The following PKNOX2 variants were observed in gnomAD, a reference collection of about 807,000 sequenced individuals.
The protein encoded by PKNOX2 is PBX/knotted 1 homeobox 2.
A neutral mutation model predicts 53.1 loss-of-function variants in PKNOX2; 14 were observed. That is an observed-to-expected ratio of 0.26 (90% CI 0.17 to 0.41). PKNOX2 has a LOEUF of 0.41. Among genes scored for constraint, PKNOX2 ranks in the 10% least tolerant of loss-of-function variants. The pLI is 1.00. For missense variants in PKNOX2, 496 were observed against 602.8 expected, an observed-to-expected ratio of 0.82 and a Z score of 1.85; for synonymous variants, 257 against 242.8, an observed-to-expected ratio of 1.06 and a Z score of -0.54.
intron 2 of PKNOX2, among the ~76,000 whole-genome samples, chr11:125,271,269 G>GA (rs1945771122): frequency 2.0e-5 from 3 of 152,122 alleles, no homozygotes; most frequent in African/African-American, 7.2e-5. Flanking sequence ...AGTCCAGCTT[G>GA]GCCATTTTGC....
intron 6 of PKNOX2, among the ~76,000 whole-genome samples, chr11:125,396,927 A>G (rs971497630): frequency 1.3e-5 from 2 of 152,218 alleles, no homozygotes; most frequent in Non-Finnish European, 2.9e-5. Context: ...AAAACAGAAA[A>G]CAAAATTGCA....
intron 2 of PKNOX2, among the ~76,000 whole-genome samples, chr11:125,292,928 C>T (rs759379090): frequency 1.3e-5 from 2 of 152,128 alleles, no homozygotes; most frequent in African/African-American, 2.4e-5. Context: ...GGAGACGATG[C>T]GTGTTATTTG....
At position 125,422,173 on chromosome 11, in the gene PKNOX2, T is replaced by C. The variant is rs1405477137; in HGVS notation, c.937-6839T>C. Among the ~76,000 whole-genome samples, 1 of 152,146 alleles carries C rather than the reference T, an allele frequency of 6.6e-6. No homozygotes were observed. The highest frequency in any genetic ancestry group is 1.9e-4 in the East Asian group (1 of 5,192). On this transcript the variant is annotated intron_variant, in intron 10 of 12. Coordinates refer to ENST00000298282, the MANE Select transcript of PKNOX2 (RefSeq NM_001382323.2). This position sits in a 1 kb window ranked among gnomAD's most constrained non-coding sequence, Gnocchi z 4.1. ...CCCTCGCTCCAAGTTGTTGTGGTCC[T>C]CAAACCCTCTTCACCCCTTATTCTC...
intron 6 of PKNOX2, among the ~76,000 whole-genome samples, chr11:125,390,313 T>C (rs552574244): frequency 2.6e-4 from 40 of 152,352 alleles, no homozygotes; most frequent in South Asian, 2.1e-3. Context: ...AGCTGGTCCA[T>C]GGCCCAGGCA....
intron 9 of PKNOX2, chr11:125,411,497 TCTCTCTCTCTCTCC>T: frequency 2.2e-6 from 1 of 455,154 alleles, no homozygotes; most frequent in South Asian, 2.0e-5. Flanking sequence ...TCTCTCTCTC[TCTCTCTCTCTCTCC>T]CCCCCTTCCC....
intron 2 of PKNOX2, among the ~76,000 whole-genome samples, chr11:125,303,916 C>T (rs1948245910): frequency 1.3e-5 from 2 of 152,222 alleles, no homozygotes; most frequent in South Asian, 4.1e-4. Context: ...CATCAGCAAA[C>T]ATTCTCTTCT....
chr11:125,229,415 G>C (rs941160255), intron 1 of PKNOX2, among the ~76,000 whole-genome samples: 22 of 152,192 alleles, frequency 1.4e-4, no homozygotes, highest in African/African-American at 5.3e-4. Flanking sequence ...TACAATTTCT[G>C]GAGAAAAGTT....
chr11:125,408,332 A>G (rs565142858), intron 7 of PKNOX2, among the ~76,000 whole-genome samples: 3 of 152,336 alleles, frequency 2.0e-5, no homozygotes, highest in Non-Finnish European at 4.4e-5. Context: ...CTCAAAGTAT[A>G]AGCTTCACGG....
chr11:125,344,910 G>C (rs1215279349), intron 3 of PKNOX2, among the ~76,000 whole-genome samples: 1 of 152,066 alleles, frequency 6.6e-6, no homozygotes, highest in African/African-American at 2.4e-5. Context: ...TGTGAGACCT[G>C]AGTGCAAATC....
At chr11:125,252,560 C>T (rs1944084518) in intron 2 of PKNOX2, among the ~76,000 whole-genome samples, 2 of 152,184 alleles carry the variant, frequency 1.3e-5, no homozygotes, top group Non-Finnish European at 2.9e-5. Flanking sequence ...GGAGAAATGG[C>T]AGGCTCAGAA....
At chr11:125,295,707 G>A (rs1382174192) in intron 2 of PKNOX2, among the ~76,000 whole-genome samples, 1 of 152,194 alleles carries the variant, frequency 6.6e-6, no homozygotes, top group Admixed American at 6.5e-5. Flanking sequence ...GATTTGGCAA[G>A]GAGGTGGCCT....
intron 1 of PKNOX2, among the ~76,000 whole-genome samples, chr11:125,216,839 C>T (rs570103544): frequency 6.6e-6 from 1 of 152,286 alleles, no homozygotes; most frequent in South Asian, 2.1e-4. Flanking sequence ...CTGGCCTGAG[C>T]AGCCTGCAAC....
chr11:125,317,363 A>C (rs898792043), intron 2 of PKNOX2, among the ~76,000 whole-genome samples: 2 of 152,220 alleles, frequency 1.3e-5, no homozygotes, highest in Non-Finnish European at 2.9e-5. Flanking sequence ...CTTTCCAGAA[A>C]GTTTTTAATT....
intron 3 of PKNOX2, among the ~76,000 whole-genome samples, chr11:125,349,529 G>C (rs1365977307): frequency 6.6e-6 from 1 of 152,140 alleles, no homozygotes; most frequent in African/African-American, 2.4e-5. Context: ...CGACGGAACC[G>C]GCCTGAAGTC....
intron 10 of PKNOX2, among the ~76,000 whole-genome samples, chr11:125,419,904 C>T (rs1036574937): frequency 2.0e-5 from 3 of 150,486 alleles, no homozygotes; most frequent in African/African-American, 4.9e-5. Context: ...AAAAAAAGGC[C>T]GAGTGCAGTG....
intron 6 of PKNOX2, among the ~76,000 whole-genome samples, chr11:125,392,117 A>T (rs58993635): frequency 0.01 from 1,580 of 152,332 alleles, 41 homozygotes; most frequent in African/African-American, 0.036. Context: ...GGGATATCAG[A>T]CATTATTAGA....
intron 5 of PKNOX2, among the ~76,000 whole-genome samples, chr11:125,374,733 C>T (rs537152199): frequency 4.6e-5 from 7 of 152,250 alleles, no homozygotes; most frequent in Non-Finnish European, 8.8e-5. Context: ...ATCCAGGAGT[C>T]CTGAAATCTG....
chr11:125,190,449 G>A (rs1956810200), intron 1 of PKNOX2, among the ~76,000 whole-genome samples: 1 of 152,258 alleles, frequency 6.6e-6, no homozygotes, highest in South Asian at 2.1e-4. Context: ...TTCGTTCTGC[G>A]ATCATGGCCT....
At chr11:125,411,913 A>G in intron 10 of PKNOX2, 48 bp downstream of exon 10, 1 of 1,611,308 alleles carries the variant, frequency 6.2e-7, no homozygotes, top group East Asian at 2.2e-5. Flanking sequence ...TGGGGTATGA[A>G]TAACCCACCG....
Sources: gnomAD v4.1 joint callset for allele counts (sites outside exome capture counted in the v4.1 genomes callset) on GRCh38, gnomAD v4.1.1 for gene constraint, Gnocchi (gnomAD v3.1) non-coding constraint, MANE v1.5 for transcripts, NCBI Gene and HGNC (gene_info 2026-07-23, HGNC 2026-07-21) for gene names.